The following ITGAV variants were observed in gnomAD, a reference collection of about 807,000 sequenced individuals.
The protein encoded by ITGAV is integrin alpha-V.
A neutral mutation model predicts 143.8 loss-of-function variants in ITGAV; 76 were observed. The observed-to-expected ratio is 0.53, with a 90% CI of 0.44 to 0.64. The LOEUF is 0.64. ITGAV is among the 30% of genes least tolerant of loss of function. The pLI is 0.00. For missense variants in ITGAV, 1,193 were observed against 1,274.7 expected (o/e 0.94, Z 0.98); for synonymous variants, 453 against 446.7 (o/e 1.01, Z -0.18).
chr2:186,600,364 G>T, intron 1 of ITGAV: 1 of 1,536,262 alleles, frequency 6.5e-7, no homozygotes, highest in Non-Finnish European at 8.8e-7. Context: ...TTCTGATCCT[G>T]TACATCTTAA....
At chr2:186,644,514 T>C (rs576584636) in intron 12 of ITGAV, among the ~76,000 whole-genome samples, 16 of 151,714 alleles carry the variant, frequency 1.1e-4, no homozygotes, top group African/African-American at 3.9e-4. Context: ...TTAGTAGAGA[T>C]GGAGTTTCAC....
intron 24 of ITGAV, among the ~76,000 whole-genome samples, chr2:186,668,184 A>T (rs1360475689): frequency 1.5e-4 from 2 of 13,566 alleles, no homozygotes; most frequent in Non-Finnish European, 3.8e-4. Flanking sequence ...ATACATACAT[A>T]CATATATATA....
chr2:186,598,294 T>TACACAC (rs56789925), intron 1 of ITGAV, among the ~76,000 whole-genome samples: 22,613 of 147,774 alleles, frequency 0.15, 1,730 homozygotes, highest in Middle Eastern at 0.21. Flanking sequence ...TTATAATTTA[T>TACACAC]ACACACACAC....
At chr2:186,673,546 GTTTA>G (rs200098268) in intron 26 of ITGAV, among the ~76,000 whole-genome samples, 1,635 of 151,934 alleles carry the variant, frequency 0.011, 35 homozygotes, top group African/African-American at 0.037. Flanking sequence ...ATGTCTTTCT[GTTTA>G]TTTATTCTAC....
chr2:186,680,525 A>G lies in ITGAV; in HGVS notation c.*3233A>G, dbSNP rs1431195023. On this transcript the variant is annotated 3_prime_UTR_variant, in exon 30 of 30. Coordinates refer to ENST00000261023, the MANE Select transcript of ITGAV (RefSeq NM_002210.5). Reference sequence around the variant, plus strand: ...ATTTCAAAGTTGTCATTAATTTAGTAAGCCTAATATAAACAAATATTTGTA... The same window carrying G: ...ATTTCAAAGTTGTCATTAATTTAGTGAGCCTAATATAAACAAATATTTGTA... 1.3e-5 allele frequency: 2 copies of G among 152,542 alleles called. No individual in the cohort carries two copies. The highest frequency in any genetic ancestry group is 1.3e-4 in the Admixed American group (2 of 15,264). The allele number at this position is 152,542 out of a possible 1,614,324, so 9.4% of individuals were successfully genotyped here.
At chr2:186,634,304 G>A (rs1687896885) in intron 6 of ITGAV, among the ~76,000 whole-genome samples, 1 of 152,094 alleles carries the variant, frequency 6.6e-6, no homozygotes, top group Non-Finnish European at 1.5e-5. Flanking sequence ...CTGCTAAAAA[G>A]TGCCATTTAT....
chr2:186,601,192 A>C (rs1686893318), intron 1 of ITGAV, among the ~76,000 whole-genome samples: 1 of 152,152 alleles, frequency 6.6e-6, no homozygotes, highest in South Asian at 2.1e-4. Context: ...ATCTTTGACC[A>C]AGAATTGATT....
chr2:186,600,069 T>C (rs1451800528), intron 1 of ITGAV: 1 of 453,498 alleles, frequency 2.2e-6, no homozygotes, highest in Non-Finnish European at 3.9e-6. Flanking sequence ...AAAAACTCAG[T>C]GGCTTCAAAT....
intron 10 of ITGAV, 73 bp from the exon 11 acceptor site, chr2:186,640,842 A>G (rs957072141): frequency 1.1e-5 from 13 of 1,194,468 alleles, no homozygotes; most frequent in African/African-American, 4.6e-5. Context: ...TATTTGGTAC[A>G]TATATTACAA....
intron 25 of ITGAV, 106 bp downstream of exon 25, chr2:186,669,026 C>T (rs1688990596): frequency 9.8e-7 from 1 of 1,017,270 alleles, no homozygotes; most frequent in African/African-American, 1.7e-5. Flanking sequence ...AATATAAAAC[C>T]CACTCTGCAA....
chr2:186,610,951 A>G (rs1687199221), intron 2 of ITGAV, among the ~76,000 whole-genome samples: 1 of 152,128 alleles, frequency 6.6e-6, no homozygotes, highest in Admixed American at 6.5e-5. Flanking sequence ...CTATTGTCGT[A>G]AGTTACCAAA....
rs201607731 is a variant in ITGAV at position 186,677,387 on chromosome 2, C to A, written c.*95C>A. On this transcript the variant is annotated 3_prime_UTR_variant, in exon 30 of 30. Transcript: ENST00000261023. ...CTTCATGAGGAGTAAAAATCCAAGG[C>A]TTTACTGCTGATAGTGCTAATTGGC... 46 of 868,498 alleles carry A rather than the reference C, an allele frequency of 5.3e-5. No individual in the cohort carries two copies. The highest frequency in any genetic ancestry group is 7.8e-5 in the Non-Finnish European group (42 of 537,356). 53.8% of individuals were successfully genotyped at this position (868,498 alleles called of 1,614,324 possible).
rs1336886601 is a variant in ITGAV at position 186,680,617 on chromosome 2, T to C, written c.*3325T>C. The stretch of plus-strand genomic sequence containing the variant: ...TACCCCTAAATGGTCCATTCTGCAT[T>C]GTATTTCAGGCTGGAAATGAATTAT... On this transcript the variant is annotated 3_prime_UTR_variant, in exon 30 of 30. Transcript: ENST00000261023. 6.6e-6 allele frequency: 1 copy of C among 152,582 alleles called. No individual in the cohort carries two copies. Among genetic ancestry groups the C allele is most frequent in the Non-Finnish European group, 1.5e-5 (1 of 67,986 alleles). The allele number at this position is 152,582 out of a possible 1,614,324, so 9.5% of individuals were successfully genotyped here.
chr2:186,657,142 C>A (rs1245625231), intron 17 of ITGAV, among the ~76,000 whole-genome samples: 1 of 152,136 alleles, frequency 6.6e-6, no homozygotes, highest in Non-Finnish European at 1.5e-5. Flanking sequence ...AGCTTATAAT[C>A]TTGGCACTTT....
intron 4 of ITGAV, among the ~76,000 whole-genome samples, chr2:186,626,258 TA>T (rs1051576184): frequency 1.3e-5 from 2 of 152,190 alleles, no homozygotes; most frequent in African/African-American, 4.8e-5. Context: ...ATATCATGGC[TA>T]AAGATGACTT....
rs149933374 is a variant in ITGAV at position 186,628,742 on chromosome 2, C to T, written c.524-2055C>T. 3.3e-3 allele frequency among the ~76,000 whole-genome samples: 507 copies of T among 152,198 alleles called. 1 individual carries two copies. Among genetic ancestry groups the T allele is most frequent in the African/African-American group, 0.012 (481 of 41,556 alleles). On this transcript the variant is annotated intron_variant, in intron 4 of 29. Coordinates refer to ENST00000261023, the MANE Select transcript of ITGAV (RefSeq NM_002210.5). Reference sequence around the variant, plus strand: ...TAGCCACTTTTGTTCCTTCTGTCTGCTTTCTGATGCTAATATTATTTGAAC... The same window carrying T: ...TAGCCACTTTTGTTCCTTCTGTCTGTTTTCTGATGCTAATATTATTTGAAC...
intron 1 of ITGAV, among the ~76,000 whole-genome samples, chr2:186,594,943 A>C (rs973093025): frequency 2.0e-5 from 3 of 152,234 alleles, no homozygotes; most frequent in Non-Finnish European, 4.4e-5. Flanking sequence ...ACTTCTGATT[A>C]AGGACATATG....
At chr2:186,619,108 ATT>A (rs895574278) in intron 2 of ITGAV, among the ~76,000 whole-genome samples, 7 of 134,338 alleles carry the variant, frequency 5.2e-5, no homozygotes, top group African/African-American at 7.8e-5. Context: ...TATATAGTAT[ATT>A]TTATATATAT....
chr2:186,669,490 T>G (rs2105748266), intron 25 of ITGAV, among the ~76,000 whole-genome samples: 1 of 152,300 alleles, frequency 6.6e-6, no homozygotes, highest in South Asian at 2.1e-4. Flanking sequence ...AAAATAATGG[T>G]TAGGGAGAGC....
Sources: gnomAD v4.1 joint callset for allele counts (sites outside exome capture counted in the v4.1 genomes callset) on GRCh38, gnomAD v4.1.1 for gene constraint, MANE v1.5 for transcripts, NCBI Gene and HGNC (gene_info 2026-07-23, HGNC 2026-07-21) for gene names.